Variants in ETV5 observed in about 807,000 individuals in gnomAD.
ETV5 encodes the protein ETS translocation variant 5.
In ETV5, 10 loss-of-function variants were observed where a neutral mutation model predicts 70.0. That is an observed-to-expected ratio of 0.14 (90% CI 0.09 to 0.24). The LOEUF (loss-of-function observed/expected upper bound fraction) is 0.24. Among genes scored for constraint, ETV5 ranks in the 10% least tolerant of loss-of-function variants. ETV5 has a pLI of 1.00. For missense variants in ETV5, 453 were observed against 651.2 expected (o/e 0.70, Z 3.31); for synonymous variants, 216 against 242.2 (o/e 0.89, Z 1.01).
At chr3:186,066,926 T>C (rs1422266012) in intron 7 of ETV5, among the ~76,000 whole-genome samples, 3 of 152,240 alleles carry the variant, frequency 2.0e-5, no homozygotes, top group African/African-American at 7.2e-5. Flanking sequence ...TTCAAATTAG[T>C]TGGGGAAAAA....
chr3:186,096,829 C>A (rs1397248850), intron 5 of ETV5, among the ~76,000 whole-genome samples: 1 of 152,140 alleles, frequency 6.6e-6, no homozygotes, highest in Non-Finnish European at 1.5e-5. Flanking sequence ...ACAGAGAACA[C>A]TGGACGTGTG....
In ETV5 at chr3:186,075,484, T is replaced by C. The variant is rs116736771; in HGVS notation, c.650+4333A>G. ...GAAAAAACAAGAGGAAAAACGAGTA[T>C]ATAAAATCTCTTAATTTATCTAGCA... On this transcript the variant is annotated intron_variant, in intron 7 of 12. Transcript: ENST00000306376. Among the ~76,000 whole-genome samples the C allele has an allele frequency of 3.1e-3, 474 of 152,344 alleles. 2 individuals are homozygous for C. The highest frequency in any genetic ancestry group is 3.9e-3 in the Non-Finnish European group (263 of 68,024).
At chr3:186,061,452 C>T (rs977749759) in intron 9 of ETV5, among the ~76,000 whole-genome samples, 1 of 152,298 alleles carries the variant, frequency 6.6e-6, no homozygotes, top group Admixed American at 6.5e-5. Context: ...TGGGCCCCAC[C>T]GCTGGGGGTT....
At chr3:186,079,173 TA>T (rs1229862554) in intron 7 of ETV5, 37 of 822,832 alleles carry the variant, frequency 4.5e-5, no homozygotes, top group Non-Finnish European at 5.2e-5. Context: ...ATACCACAGA[TA>T]AAGAGGTCAG....
At chr3:186,094,525 C>G (rs1714258614) in intron 5 of ETV5, among the ~76,000 whole-genome samples, 1 of 152,102 alleles carries the variant, frequency 6.6e-6, no homozygotes, top group African/African-American at 2.4e-5. Context: ...TTTCTTGAAA[C>G]AGCTTGGATT....
chr3:186,065,228 T>A (rs921972276), intron 8 of ETV5, among the ~76,000 whole-genome samples: 1 of 152,142 alleles, frequency 6.6e-6, no homozygotes, highest in Non-Finnish European at 1.5e-5. Context: ...TGTCTTGCTT[T>A]AAGGGAGTGG....
chr3:186,107,034 G>A (rs1714604925), intron 1 of ETV5: 1 of 757,232 alleles, frequency 1.3e-6, no homozygotes, highest in South Asian at 6.0e-5. Flanking sequence ...TTCCCCCGGT[G>A]AGCAATTCCA....
Position 186,105,982 on chromosome 3 carries a change from A to T in ETV5, c.-74-40T>A, listed in dbSNP as rs774484200. ...TGGGAGATTTTAACTAAGAGGGGGGAAAAAAAGAAATGAAACAATTTTAGA... is the reference window on the plus strand; with the variant it reads ...TGGGAGATTTTAACTAAGAGGGGGGTAAAAAAGAAATGAAACAATTTTAGA... On this transcript the variant is annotated intron_variant, in intron 1 of 12. Coordinates refer to ENST00000306376, the MANE Select transcript of ETV5 (RefSeq NM_004454.3). The surrounding 1 kb of genome is among the most constrained non-coding windows in gnomAD (Gnocchi z 4.5). 2 of 1,384,116 alleles carry T rather than the reference A, an allele frequency of 1.4e-6. No individual in the cohort carries two copies. 85.7% of individuals were successfully genotyped at this position (1,384,116 alleles called of 1,614,324 possible).
chr3:186,105,394 T>C lies in ETV5; in HGVS notation c.182-39A>G, dbSNP rs2108446538. The C allele has an allele frequency of 6.2e-7, 1 of 1,611,676 alleles. No homozygotes were observed. Among genetic ancestry groups the C allele is most frequent in the Non-Finnish European group, 8.5e-7 (1 of 1,179,010 alleles). On this transcript the variant is annotated intron_variant, in intron 4 of 12. Transcript: ENST00000306376. This position sits in a 1 kb window ranked among gnomAD's most constrained non-coding sequence, Gnocchi z 4.5. The stretch of plus-strand genomic sequence containing the variant: ...TTTTATTTTAGACCTTTAAGTTTTA[T>C]TAAAAAGCACAGTAAAATGTTTTAT...
chr3:186,071,997 A>G (rs1445618021), intron 7 of ETV5, among the ~76,000 whole-genome samples: 2 of 151,062 alleles, frequency 1.3e-5, no homozygotes, highest in South Asian at 2.1e-4. Flanking sequence ...ACAGGGTTTC[A>G]CCACGTTGGC....
At chr3:186,069,342 G>A (rs532594390) in intron 7 of ETV5, among the ~76,000 whole-genome samples, 1 of 152,316 alleles carries the variant, frequency 6.6e-6, no homozygotes, top group East Asian at 1.9e-4. Context: ...TTCATGGGGC[G>A]CTGAATGCCT....
intron 7 of ETV5, among the ~76,000 whole-genome samples, chr3:186,075,294 C>G (rs1713755183): frequency 6.6e-6 from 1 of 152,200 alleles, no homozygotes; most frequent in Non-Finnish European, 1.5e-5. Flanking sequence ...TTAACAGGCA[C>G]TTGGAGAAGA....
Position 186,105,964 on chromosome 3 carries a change from T to A in ETV5, c.-74-22A>T. ...CCTCCTGTAATATGAATTTGGGAGA[T>A]TTTAACTAAGAGGGGGGAAAAAAAG... On this transcript the variant is annotated intron_variant, in intron 1 of 12. Coordinates refer to ENST00000306376, the MANE Select transcript of ETV5 (RefSeq NM_004454.3). This position sits in a 1 kb window ranked among gnomAD's most constrained non-coding sequence, Gnocchi z 4.5. 6.7e-7 allele frequency: 1 copy of A among 1,499,430 alleles called. No homozygotes were observed. Among genetic ancestry groups the A allele is most frequent in the Non-Finnish European group, 9.1e-7 (1 of 1,098,438 alleles). 92.9% of individuals were successfully genotyped at this position (1,499,430 alleles called of 1,614,324 possible). A position where few individuals can be genotyped will look rare whatever the true frequency, so the allele number is the denominator to read the frequency against.
intron 7 of ETV5, among the ~76,000 whole-genome samples, chr3:186,078,708 G>C (rs757741905): frequency 6.6e-6 from 1 of 151,994 alleles, no homozygotes; most frequent in Non-Finnish European, 1.5e-5. Context: ...CCACAACCCC[G>C]TCAGTGCTCA....
chr3:186,092,157 T>C (rs749971955), intron 5 of ETV5, among the ~76,000 whole-genome samples: 23 of 152,164 alleles, frequency 1.5e-4, no homozygotes, highest in Admixed American at 2.6e-4. Context: ...CTAAGTGTGG[T>C]GGCAGAAACA....
Position 186,048,786 on chromosome 3 carries a change from G to A in ETV5, c.1386C>T (p.Asn462=), listed in dbSNP as rs779428500. Residue 462 remains asparagine (N), a synonymous_variant, in exon 13 of 13, where the codon AAC becomes AAT. Coordinates refer to ENST00000306376, the MANE Select transcript of ETV5 (RefSeq NM_004454.3). ...ACTCTGCCTTCAGGAACGGACGCTG[G>A]TTATCCGGGAAAGCCATGGAGAAGA... ...DALFSMAFPD[N]QRPFLKAESE... is the part of the protein sequence containing the mutation. The A allele has an allele frequency of 6.2e-7, 1 of 1,614,166 alleles. No individual in the cohort carries two copies. The highest frequency in any genetic ancestry group is 1.1e-5 in the South Asian group (1 of 91,088).
intron 7 of ETV5, among the ~76,000 whole-genome samples, chr3:186,078,760 C>G (rs945804803): frequency 6.6e-6 from 1 of 152,030 alleles, no homozygotes; most frequent in Non-Finnish European, 1.5e-5. Context: ...TGTTCCTTGG[C>G]CTAACCAAGG....
At chr3:186,080,852 G>T in intron 6 of ETV5, 194 bp downstream of exon 6, 2 of 516,260 alleles carry the variant, frequency 3.9e-6, no homozygotes, top group East Asian at 3.5e-5. Context: ...GGTTTTTAAT[G>T]GTTTTCTTTT....
rs543090331 is a variant in ETV5, at chr3:186,057,498, G to T, written c.971-7C>A. On this transcript the variant is annotated splice_region_variant and splice_polypyrimidine_tract_variant and intron_variant, in intron 9 of 12. Coordinates refer to ENST00000306376, the MANE Select transcript of ETV5 (RefSeq NM_004454.3). This position sits in a 1 kb window ranked among gnomAD's most constrained non-coding sequence, Gnocchi z 4.9. ...TCTTTTTCATATGAAAAACCTGAAAGAGAATTTAAAAGAAAGACTACGTTG... is the reference window on the plus strand; with the variant it reads ...TCTTTTTCATATGAAAAACCTGAAATAGAATTTAAAAGAAAGACTACGTTG... 1.9e-6 allele frequency: 3 copies of T among 1,612,378 alleles called. No individual in the cohort carries two copies. Among genetic ancestry groups the T allele is most frequent in the Middle Eastern group, 1.7e-4 (1 of 6,058 alleles).
Sources: allele counts gnomAD v4.1 joint callset (sites outside exome capture counted in the v4.1 genomes callset), GRCh38; gene constraint gnomAD v4.1.1; non-coding constraint Gnocchi (gnomAD v3.1); transcripts MANE v1.5; gene names NCBI Gene and HGNC (gene_info 2026-07-23, HGNC 2026-07-21).